Variants in CTNNA3 observed in about 807,000 individuals in gnomAD.
CTNNA3 encodes catenin alpha 3.
CTNNA3 carries 76 observed loss-of-function variants against 95.7 expected under a neutral mutation model. The observed-to-expected ratio is 0.79, with a 90% CI of 0.66 to 0.96. The LOEUF is 0.96. Among genes scored for constraint, CTNNA3 ranks in the 40% least tolerant of loss-of-function variants. The pLI, the probability that CTNNA3 is intolerant of heterozygous loss-of-function variation, is 0.00. For synonymous variants in CTNNA3, 431 were observed against 374.4 expected (o/e 1.15, Z -1.74); for missense variants, 1,191 against 1,089.8 (o/e 1.09, Z -1.31).
chr10:67,284,543 T>A (rs1297518174), intron 5 of CTNNA3, among the ~76,000 whole-genome samples: 3 of 152,122 alleles, frequency 2.0e-5, no homozygotes, highest in South Asian at 2.1e-4. Context: ...TAAAAAAAAA[T>A]TAATGTTTTA....
chr10:67,528,482 G>A (rs952764616), intron 4 of CTNNA3, among the ~76,000 whole-genome samples: 11 of 151,958 alleles, frequency 7.2e-5, no homozygotes, highest in African/African-American at 2.7e-4. Flanking sequence ...AGCCATTCAG[G>A]ACTATTACAA....
At chr10:66,068,101 C>T (rs4279913) in intron 15 of CTNNA3, among the ~76,000 whole-genome samples, 26,054 of 151,906 alleles carry the variant, frequency 0.17, 2,484 homozygotes, top group South Asian at 0.35. Flanking sequence ...CTGTACCAAG[C>T]CTATTTTAAA....
chr10:67,038,178 G>T (rs1854181089), intron 7 of CTNNA3, among the ~76,000 whole-genome samples: 1 of 152,064 alleles, frequency 6.6e-6, no homozygotes, highest in African/African-American at 2.4e-5. Flanking sequence ...CTGAAATTCA[G>T]TTGGATAATC....
intron 1 of CTNNA3, among the ~76,000 whole-genome samples, chr10:67,717,508 C>A (rs537071817): frequency 1.3e-5 from 2 of 152,154 alleles, no homozygotes; most frequent in East Asian, 3.9e-4. Context: ...GATGTAAGGA[C>A]AAGGTCCAGT....
At chr10:66,990,008 T>G (rs1850956782) in intron 7 of CTNNA3, among the ~76,000 whole-genome samples, 1 of 152,176 alleles carries the variant, frequency 6.6e-6, no homozygotes, top group African/African-American at 2.4e-5. Flanking sequence ...ACATATATAT[T>G]ATACGAAGAG....
intron 5 of CTNNA3, among the ~76,000 whole-genome samples, chr10:67,255,338 A>T (rs562183581): frequency 6.6e-6 from 1 of 152,004 alleles, no homozygotes; most frequent in African/African-American, 2.4e-5. Flanking sequence ...ATTAATTTAA[A>T]AAACTACAAT....
At chr10:67,209,048 T>C (rs898008667) in intron 6 of CTNNA3, among the ~76,000 whole-genome samples, 1 of 107,892 alleles carries the variant, frequency 9.3e-6, no homozygotes, top group Non-Finnish European at 1.8e-5. Context: ...TTATTTTTTG[T>C]TGTTGTTGTT....
At chr10:66,237,982 T>A (rs1371994002) in intron 13 of CTNNA3, among the ~76,000 whole-genome samples, 1 of 152,096 alleles carries the variant, frequency 6.6e-6, no homozygotes, top group Non-Finnish European at 1.5e-5. Flanking sequence ...TAAATTTTTT[T>A]TCTAAATTGT....
chr10:66,093,825 G>A (rs767729364), intron 14 of CTNNA3, among the ~76,000 whole-genome samples: 10 of 152,054 alleles, frequency 6.6e-5, no homozygotes, highest in Non-Finnish European at 1.2e-4. Flanking sequence ...AGCCTAGGGT[G>A]TGCTTTTGGG....
rs564861404 is a variant in CTNNA3, at chr10:66,339,474, G to T, written c.1732+39678C>A. Among the ~76,000 whole-genome samples, 416 of 151,732 alleles carry T rather than the reference G, an allele frequency of 2.7e-3. 2 individuals carry two copies. The highest frequency in any genetic ancestry group is 9.8e-3 in the African/African-American group (406 of 41,484). ...AATTATGAAATTTCTTCTTTGAGAA[G>T]ATTAAAAGAAGAAATTGGGAAAGAG... On this transcript the variant is annotated intron_variant, in intron 12 of 17. Coordinates refer to ENST00000433211, the MANE Select transcript of CTNNA3 (RefSeq NM_013266.4).
chr10:66,973,667 C>G (rs1351384355), intron 7 of CTNNA3, among the ~76,000 whole-genome samples: 1 of 152,080 alleles, frequency 6.6e-6, no homozygotes, highest in Non-Finnish European at 1.5e-5. Context: ...ACTGTCACCC[C>G]AGCTGGAGTA....
chr10:66,502,417 A>T (rs1840306748), intron 11 of CTNNA3, among the ~76,000 whole-genome samples: 2 of 152,258 alleles, frequency 1.3e-5, no homozygotes, highest in South Asian at 2.1e-4. Flanking sequence ...TATAGAAAAT[A>T]ATCTATCTAC....
At chr10:66,421,646 A>C (rs11592300) in intron 11 of CTNNA3, among the ~76,000 whole-genome samples, 3,626 of 151,842 alleles carry the variant, frequency 0.024, 68 homozygotes, top group Middle Eastern at 0.037. Flanking sequence ...CATCCTGGCC[A>C]AAATAGTGAA....
rs1194934103 is a variant in CTNNA3, at chr10:67,191,756, A to G, written c.844-11236T>C. On this transcript the variant is annotated intron_variant, in intron 6 of 17. Transcript: ENST00000433211. ...AAGAAATAGAAAAAACAATCCTAAC[A>G]TTCATATAAAACCACAAAAGACCAC... is the stretch of plus-strand genomic sequence containing the variant. Among the ~76,000 whole-genome samples, 4 of 152,094 alleles carry G rather than the reference A, an allele frequency of 2.6e-5. No individual in the cohort carries two copies. The East Asian group carries it at 7.7e-4, about 29-fold the overall frequency.
chr10:67,549,802 C>T (rs1413416333), intron 3 of CTNNA3, among the ~76,000 whole-genome samples: 2 of 151,982 alleles, frequency 1.3e-5, no homozygotes, highest in African/African-American at 4.8e-5. Flanking sequence ...TATTGGAACA[C>T]AACCATAACT....
chr10:67,233,090 T>C (rs1271650840), intron 5 of CTNNA3, among the ~76,000 whole-genome samples: 2 of 152,136 alleles, frequency 1.3e-5, no homozygotes, highest in East Asian at 3.8e-4. Flanking sequence ...CTGTCAACAT[T>C]AGACAGATCA....
At chr10:66,957,748 C>T (rs984581865) in intron 7 of CTNNA3, among the ~76,000 whole-genome samples, 2 of 151,910 alleles carry the variant, frequency 1.3e-5, no homozygotes, top group Non-Finnish European at 2.9e-5. Flanking sequence ...CATCACCATC[C>T]TAAGGCAGAA....
intron 3 of CTNNA3, among the ~76,000 whole-genome samples, chr10:67,580,360 G>T (rs931087050): frequency 6.6e-6 from 1 of 151,832 alleles, no homozygotes; most frequent in Non-Finnish European, 1.5e-5. Context: ...AAGATCAGAT[G>T]GTTGTAGATG....
At chr10:67,637,550 G>A in intron 2 of CTNNA3, among the ~76,000 whole-genome samples, 1 of 152,122 alleles carries the variant, frequency 6.6e-6, no homozygotes, top group Admixed American at 6.5e-5. Context: ...GCAACTCCAA[G>A]ACACATAATT....
Sources: gnomAD v4.1 joint callset for allele counts (sites outside exome capture counted in the v4.1 genomes callset) on GRCh38, gnomAD v4.1.1 for gene constraint, MANE v1.5 for transcripts, NCBI Gene and HGNC (gene_info 2026-07-23, HGNC 2026-07-21) for gene names.